Variants in DCC observed in about 807,000 individuals in gnomAD.
DCC encodes DCC netrin 1 receptor.
Under a neutral mutation model 172.5 loss-of-function variants are expected in DCC, and 58 were observed. The ratio of observed to expected loss-of-function variants is 0.34; its 90% CI spans 0.27 to 0.42. The LOEUF is 0.42. Among genes scored for constraint, DCC ranks in the 10% least tolerant of loss-of-function variants. DCC has a pLI of 1.00. For synonymous variants in DCC, 709 were observed against 644.5 expected (o/e 1.10, Z -1.52); for missense variants, 1,740 against 1,791.0 (o/e 0.97, Z 0.51).
chr18:53,282,169 T>G (rs1260803391), intron 12 of DCC, among the ~76,000 whole-genome samples: 1 of 152,214 alleles, frequency 6.6e-6, no homozygotes, highest in Non-Finnish European at 1.5e-5. Context: ...TTTCTTTTGT[T>G]GTTTTTGCTT....
chr18:53,384,951 C>A (rs974681164), intron 15 of DCC, among the ~76,000 whole-genome samples: 30 of 151,240 alleles, frequency 2.0e-4, no homozygotes, highest in African/African-American at 7.0e-4. Flanking sequence ...AGGTTCACGC[C>A]ATTCTCCTGC....
chr18:52,888,302 CA>C (rs1267684474), intron 2 of DCC, among the ~76,000 whole-genome samples: 4 of 152,158 alleles, frequency 2.6e-5, no homozygotes, highest in Non-Finnish European at 4.4e-5. Context: ...TCTGTATTAA[CA>C]ACAAGGACAA....
At chr18:52,967,590 C>G (rs889728390) in intron 5 of DCC, among the ~76,000 whole-genome samples, 6 of 152,212 alleles carry the variant, frequency 3.9e-5, no homozygotes, top group Admixed American at 3.9e-4. Context: ...GTCTCTCTTT[C>G]TACAGTGTCT....
chr18:53,037,466 T>C (rs79901096), intron 5 of DCC, among the ~76,000 whole-genome samples: 21 of 152,092 alleles, frequency 1.4e-4, no homozygotes, highest in Admixed American at 4.6e-4. Flanking sequence ...TTATTGTTCA[T>C]GGTCATTTGT....
intron 2 of DCC, among the ~76,000 whole-genome samples, chr18:52,878,847 A>C (rs2039439862): frequency 6.6e-6 from 1 of 152,220 alleles, no homozygotes; most frequent in South Asian, 2.1e-4. Flanking sequence ...TTGGTCTCAA[A>C]TATATTTGAT....
At chr18:52,594,998 CT>C in intron 1 of DCC, among the ~76,000 whole-genome samples, 1 of 152,262 alleles carries the variant, frequency 6.6e-6, no homozygotes, top group South Asian at 2.1e-4. Context: ...TGACATTTTT[CT>C]TTTGTTAAGA....
intron 1 of DCC, among the ~76,000 whole-genome samples, chr18:52,467,578 G>A (rs532863565): frequency 6.6e-6 from 1 of 152,232 alleles, no homozygotes; most frequent in Non-Finnish European, 1.5e-5. Flanking sequence ...TGGGATTGCT[G>A]GGTCAAATGG....
At chr18:53,289,610 A>ATG (rs1156456838) in intron 12 of DCC, among the ~76,000 whole-genome samples, 4 of 122,568 alleles carry the variant, frequency 3.3e-5, no homozygotes, top group African/African-American at 1.0e-4. Flanking sequence ...TATTGAACAA[A>ATG]TTAATAAAGT....
intron 23 of DCC, among the ~76,000 whole-genome samples, chr18:53,452,958 C>T (rs939904676): frequency 1.3e-5 from 2 of 152,030 alleles, no homozygotes; most frequent in East Asian, 3.9e-4. Flanking sequence ...CTCTATTGCC[C>T]AGGCTGGAGT....
intron 5 of DCC, among the ~76,000 whole-genome samples, chr18:53,039,511 T>A (rs1390780541): frequency 1.3e-5 from 2 of 151,986 alleles, no homozygotes; most frequent in Non-Finnish European, 2.9e-5. Flanking sequence ...GGAGATTTAC[T>A]GCATATTTGT....
chr18:52,747,482 TTCTCAAAATGAG>T (rs1020033820), intron 1 of DCC, among the ~76,000 whole-genome samples: 2 of 152,236 alleles, frequency 1.3e-5, no homozygotes, highest in African/African-American at 4.8e-5. Flanking sequence ...TTAGTTTTGA[TTCTCAAAATGAG>T]TTCTTCTGTT....
intron 5 of DCC, among the ~76,000 whole-genome samples, chr18:52,982,014 A>G (rs534904105): frequency 5.9e-5 from 9 of 152,212 alleles, no homozygotes; most frequent in Non-Finnish European, 1.0e-4. Flanking sequence ...TGGAGGACAG[A>G]GGTTAGAACA....
At chr18:52,670,603 G>A (rs535399435) in intron 1 of DCC, among the ~76,000 whole-genome samples, 242 of 152,254 alleles carry the variant, frequency 1.6e-3, no homozygotes, top group African/African-American at 5.7e-3. Context: ...ACTTTGGGAG[G>A]CCAAGGCAGG....
chr18:52,835,141 G>T (rs987506594), intron 2 of DCC, among the ~76,000 whole-genome samples: 2 of 152,130 alleles, frequency 1.3e-5, no homozygotes, highest in Non-Finnish European at 2.9e-5. Flanking sequence ...TGGGTGTTTT[G>T]TAATTCATAA....
intron 5 of DCC, among the ~76,000 whole-genome samples, chr18:52,964,723 T>A (rs1164855462): frequency 2.6e-5 from 4 of 152,120 alleles, no homozygotes; most frequent in Non-Finnish European, 4.4e-5. Context: ...TTTAAAAAAA[T>A]TACCACAAAT....
chr18:52,394,691 C>T lies in DCC; in HGVS notation c.91+53813C>T, dbSNP rs201623338. Among the ~76,000 whole-genome samples, 43 of 152,070 alleles carry T rather than the reference C, an allele frequency of 2.8e-4. No homozygotes were observed. The East Asian group carries it at 8.0e-3, about 28-fold the overall frequency. On this transcript the variant is annotated intron_variant, in intron 1 of 28. Coordinates refer to ENST00000442544, the MANE Select transcript of DCC (RefSeq NM_005215.4). ...AGTTATTTCCTGCAGCTTCCAGAGCCCCATCCTAATAATGAACACCTGTAC... is the reference window on the plus strand; with the variant it reads ...AGTTATTTCCTGCAGCTTCCAGAGCTCCATCCTAATAATGAACACCTGTAC...
chr18:52,846,356 A>G (rs2038889244), intron 2 of DCC, among the ~76,000 whole-genome samples: 1 of 152,032 alleles, frequency 6.6e-6, no homozygotes, highest in African/African-American at 2.4e-5. Context: ...AGCCCGGGCA[A>G]CATGGCGAAT....
chr18:53,411,909 A>G (rs2145057704), intron 20 of DCC, among the ~76,000 whole-genome samples: 1 of 152,288 alleles, frequency 6.6e-6, no homozygotes, highest in Admixed American at 6.5e-5. Flanking sequence ...GTAACTAGAT[A>G]GTGTTTTGCA....
chr18:52,617,365 G>A (rs1319398086), intron 1 of DCC, among the ~76,000 whole-genome samples: 1 of 152,178 alleles, frequency 6.6e-6, no homozygotes, highest in African/African-American at 2.4e-5. Flanking sequence ...TAGAAAGAGG[G>A]AATGGGGAAT....
Sources: gnomAD v4.1 joint callset for allele counts (sites outside exome capture counted in the v4.1 genomes callset) on GRCh38, gnomAD v4.1.1 for gene constraint, MANE v1.5 for transcripts, NCBI Gene and HGNC (gene_info 2026-07-23, HGNC 2026-07-21) for gene names.